Variants in RNF19B observed in about 807,000 individuals in gnomAD.
RNF19B encodes the protein ring finger protein 19B.
RNF19B carries 23 observed loss-of-function variants against 65.5 expected under a neutral mutation model. That is an observed-to-expected ratio of 0.35 (90% CI 0.25 to 0.50). The LOEUF (loss-of-function observed/expected upper bound fraction) is 0.50. Among genes scored for constraint, RNF19B ranks in the 20% least tolerant of loss-of-function variants. RNF19B has a pLI of 0.98. For synonymous variants in RNF19B, 372 were observed against 379.6 expected (o/e 0.98, Z 0.23); for missense variants, 794 against 980.0 (o/e 0.81, Z 2.53).
intron 1 of RNF19B, among the ~76,000 whole-genome samples, chr1:32,962,197 G>A (rs139510332): frequency 1.3e-5 from 2 of 152,114 alleles, no homozygotes; most frequent in Non-Finnish European, 2.9e-5. Context: ...TTGAGCTCCC[G>A]ACCTCAGGTG....
At chr1:32,950,843 CT>C (rs35369089) in intron 1 of RNF19B, among the ~76,000 whole-genome samples, 29,560 of 135,266 alleles carry the variant, frequency 0.22, 2,822 homozygotes, top group Middle Eastern at 0.27. Flanking sequence ...CCTTTTCATT[CT>C]TTTTTTTTTT....
chr1:32,964,673 T>C lies in RNF19B; in HGVS notation c.13A>G (p.Lys5Glu). The C allele has an allele frequency of 6.8e-7, 1 of 1,467,850 alleles. No individual in the cohort carries two copies. Among genetic ancestry groups the C allele is most frequent in the Non-Finnish European group, 9.0e-7 (1 of 1,113,768 alleles). 90.9% of individuals were successfully genotyped at this position (1,467,850 alleles called of 1,614,324 possible). The change falls in exon 1 of 9, where the codon AAG (lysine) becomes GAG (glutamate). Residue 5 changes from lysine (K) to glutamate (E), a missense_variant. By Grantham distance (56) the Lys-to-Glu change is moderately conservative. Coordinates refer to ENST00000235150, the MANE Select transcript of RNF19B (RefSeq NM_001300826.2). The surrounding 1 kb of genome is among the most constrained non-coding windows in gnomAD (Gnocchi z 6.5). ...GTGGAGCGCGGCGACTCGGAGTCCT[T>C]CTCGGAGCCCATGGCCGGCAGAGGC... MGSE[K>E]DSESPRSTSL...
chr1:32,962,617 TGGA>T (rs1642797362), intron 1 of RNF19B, among the ~76,000 whole-genome samples: 1 of 152,204 alleles, frequency 6.6e-6, no homozygotes, highest in Non-Finnish European at 1.5e-5. Context: ...AGCAGCATCA[TGGA>T]GATTTCAAAA....
chr1:32,964,604 C>A lies in RNF19B; in HGVS notation c.82G>T (p.Gly28Cys). The A allele has an allele frequency of 6.9e-7, 1 of 1,457,024 alleles. No individual in the cohort carries two copies. The allele number at this position is 1,457,024 out of a possible 1,614,324, so 90.3% of individuals were successfully genotyped here. A position where few individuals can be genotyped will look rare whatever the true frequency, so the allele number is the denominator to read the frequency against. Residue 28 changes from glycine (G) to cysteine (C), a missense_variant, in exon 1 of 9, where the codon GGC (glycine) becomes TGC (cysteine). Gly to Cys is a radical substitution (Grantham distance 159). Around this residue, in one of 3 missense-constraint regions of RNF19B, gnomAD observed 374 missense variants for 423.8 expected, o/e 0.88. Coordinates refer to ENST00000235150, the MANE Select transcript of RNF19B (RefSeq NM_001300826.2). This position sits in a 1 kb window ranked among gnomAD's most constrained non-coding sequence, Gnocchi z 6.5. ...AAPDPKCRSGGRRRRLTLHSV... is the reference protein window; with the variant it reads ...AAPDPKCRSGCRRRRLTLHSV... ...TGCAAGGTGAGGCGCCGGCGCCGGC[C>A]GCCGCTGCGGCACTTAGGGTCGGGT... is the stretch of plus-strand genomic sequence containing the variant.
intron 3 of RNF19B, among the ~76,000 whole-genome samples, chr1:32,947,808 T>A (rs1297432738): frequency 2.6e-5 from 4 of 152,022 alleles, no homozygotes; most frequent in Non-Finnish European, 5.9e-5. Flanking sequence ...CTGACGATAT[T>A]TATGACAAAA....
downstream of RNF19B, among the ~76,000 whole-genome samples, chr1:32,934,542 G>A (rs1642067026): frequency 6.6e-6 from 1 of 152,080 alleles, no homozygotes; most frequent in African/African-American, 2.4e-5. Flanking sequence ...TTAGCCGGGT[G>A]TGGTGGCATG....
chr1:32,962,221 G>A (rs1642787195), intron 1 of RNF19B, among the ~76,000 whole-genome samples: 1 of 152,112 alleles, frequency 6.6e-6, no homozygotes, highest in South Asian at 2.1e-4. Context: ...CACCCACCTT[G>A]GTCTCCCAGA....
intron 6 of RNF19B, among the ~76,000 whole-genome samples, chr1:32,943,506 C>T (rs565301074): frequency 7.9e-5 from 12 of 151,964 alleles, no homozygotes; most frequent in African/African-American, 2.9e-4. Flanking sequence ...GTCCCAGCTA[C>T]TCAGGAGGCT....
chr1:32,937,579 C>T (rs1483320102), intron 8 of RNF19B, among the ~76,000 whole-genome samples: 1 of 151,916 alleles, frequency 6.6e-6, no homozygotes, highest in Admixed American at 6.6e-5. Context: ...CATGGAGGCA[C>T]GTGCCTGTAG....
Position 32,964,569 on chromosome 1 carries a change from G to C in RNF19B, c.117C>G (p.Phe39Leu). ...CGCGGCGGCCGCGGGCCGAGGCAGAGAAGACGCTGTGCAAGGTGAGGCGCC... is the reference window on the plus strand; with the variant it reads ...CGCGGCGGCCGCGGGCCGAGGCAGACAAGACGCTGTGCAAGGTGAGGCGCC... ...RRRRLTLHSV[F>L]SASARGRRAR... The change falls in exon 1 of 9, where the codon TTC becomes TTG. Residue 39 changes from phenylalanine to leucine, a missense_variant. Coordinates refer to ENST00000235150, the MANE Select transcript of RNF19B (RefSeq NM_001300826.2). This position sits in a 1 kb window ranked among gnomAD's most constrained non-coding sequence, Gnocchi z 6.5. 1.4e-6 allele frequency: 2 copies of C among 1,406,174 alleles called. No individual in the cohort carries two copies. Among genetic ancestry groups the C allele is most frequent in the Non-Finnish European group, 1.9e-6 (2 of 1,077,952 alleles). The allele number at this position is 1,406,174 out of a possible 1,614,324, so 87.1% of individuals were successfully genotyped here. A position where few individuals can be genotyped will look rare whatever the true frequency, so the allele number is the denominator to read the frequency against.
rs1331081706 is a variant in RNF19B, at chr1:32,945,497, G to A, written c.1261+17C>T. On this transcript the variant is annotated intron_variant, in intron 5 of 8. Transcript: ENST00000235150. ...CAGAAAGCTGAGAGAGAAGAGGTGT[G>A]GTCCTGACTAGCTTACCAACACTAA... is the stretch of plus-strand genomic sequence containing the variant. 2 of 1,489,192 alleles carry A rather than the reference G, an allele frequency of 1.3e-6. No homozygotes were observed. The highest frequency in any genetic ancestry group is 1.7e-5 in the Admixed American group (1 of 59,786). 92.2% of individuals were successfully genotyped at this position (1,489,192 alleles called of 1,614,324 possible). A position where few individuals can be genotyped will look rare whatever the true frequency, so the allele number is the denominator to read the frequency against.
At chr1:32,962,050 G>A (rs1168467055) in intron 1 of RNF19B, among the ~76,000 whole-genome samples, 1 of 151,438 alleles carries the variant, frequency 6.6e-6, no homozygotes, top group Non-Finnish European at 1.5e-5. Context: ...TCGGCTCACT[G>A]CACCTCTGCC....
At chr1:32,957,542 T>C (rs1241292624) in intron 1 of RNF19B, among the ~76,000 whole-genome samples, 4 of 152,184 alleles carry the variant, frequency 2.6e-5, no homozygotes, top group Admixed American at 1.3e-4. Flanking sequence ...ATTCTGAAAG[T>C]ATCTGTTGAA....
Position 32,948,220 on chromosome 1 carries a change from A to G in RNF19B, c.983+2T>C, listed in dbSNP as rs1642412599. ...AAGGAATGGATGCATTTCCCATCTTACCTGAGGTAATGCAAGTCTGAGATC... is the reference window on the plus strand; with the variant it reads ...AAGGAATGGATGCATTTCCCATCTTGCCTGAGGTAATGCAAGTCTGAGATC... On this transcript the variant is annotated splice_donor_variant, in intron 3 of 8. Coordinates refer to ENST00000235150, the MANE Select transcript of RNF19B (RefSeq NM_001300826.2). LOFTEE classifies it high-confidence loss of function. The G allele has an allele frequency of 2.5e-6, 4 of 1,613,630 alleles. No homozygotes were observed.
At position 32,936,810 on chromosome 1, in the gene RNF19B, A is replaced by G; in HGVS notation, c.2192T>C (p.Val731Ala). Residue 731 changes from valine (V) to alanine (A), a missense_variant, in exon 9 of 9, where the codon GTA (valine) becomes GCA (alanine). By Grantham distance (64) the Val-to-Ala change is moderately conservative. This residue lies in a region of RNF19B where 368 missense variants were observed against 447.3 expected (regional missense o/e 0.82). Coordinates refer to ENST00000235150, the MANE Select transcript of RNF19B (RefSeq NM_001300826.2). ...VLKPEGGEAR[V>A] ...AACAGGAGCATTCATTCCACTTCATACTCTGGCTTCTCCACCTTCTGGCTT... is the reference window on the plus strand; with the variant it reads ...AACAGGAGCATTCATTCCACTTCATGCTCTGGCTTCTCCACCTTCTGGCTT... 6.4e-7 allele frequency: 1 copy of G among 1,558,852 alleles called. No homozygotes were observed. Among genetic ancestry groups the G allele is most frequent in the South Asian group, 1.2e-5 (1 of 82,236 alleles).
intron 3 of RNF19B, among the ~76,000 whole-genome samples, chr1:32,947,189 T>C (rs1264861922): frequency 1.3e-5 from 2 of 152,254 alleles, no homozygotes; most frequent in Admixed American, 6.5e-5. Flanking sequence ...CTCACCCCTA[T>C]GTCCCCAATG....
chr1:32,932,752 T>G (rs900219401), downstream of RNF19B, among the ~76,000 whole-genome samples: 1 of 151,884 alleles, frequency 6.6e-6, no homozygotes, highest in Non-Finnish European at 1.5e-5. Flanking sequence ...TTCAGAGTTG[T>G]TTGGCTAATC....
At chr1:32,954,738 C>CAA (rs35049190) in intron 1 of RNF19B, among the ~76,000 whole-genome samples, 119 of 112,234 alleles carry the variant, frequency 1.1e-3, no homozygotes, top group South Asian at 1.9e-3. Flanking sequence ...AATTCCATCT[C>CAA]AAAAAAAAAA....
chr1:32,931,799 C>G (rs1642032106), downstream of RNF19B, among the ~76,000 whole-genome samples: 1 of 152,214 alleles, frequency 6.6e-6, no homozygotes, highest in Non-Finnish European at 1.5e-5. Context: ...GTCCCCATTT[C>G]TTACATGATG....
Sources: allele counts gnomAD v4.1 joint callset (sites outside exome capture counted in the v4.1 genomes callset), GRCh38; gene constraint gnomAD v4.1.1; regional missense constraint gnomAD v4.1.1; non-coding constraint Gnocchi (gnomAD v3.1); transcripts MANE v1.5; gene names NCBI Gene and HGNC (gene_info 2026-07-23, HGNC 2026-07-21).